Variants in CCR3 observed in about 807,000 individuals in gnomAD.
CCR3 encodes C-C motif chemokine receptor 3.
For missense variants in CCR3, 419 were observed against 437.5 expected (o/e 0.96, Z 0.38); for synonymous variants, 203 against 179.2 (o/e 1.13, Z -1.06).
chr3:46,237,641 A>C (rs1383527348), upstream of CCR3, among the ~76,000 whole-genome samples: 1 of 152,190 alleles, frequency 6.6e-6, no homozygotes, highest in Non-Finnish European at 1.5e-5. Context: ...TTCATTCTGC[A>C]TGTGGCTATT....
intron 2 of CCR3, among the ~76,000 whole-genome samples, chr3:46,236,162 G>A (rs1018708563): frequency 6.6e-6 from 1 of 152,146 alleles, no homozygotes. Context: ...TGGTACCAAC[G>A]GGAACTGCCT....
intron 2 of CCR3, among the ~76,000 whole-genome samples, chr3:46,219,336 GAC>G (rs1395832085): frequency 6.6e-6 from 1 of 152,090 alleles, no homozygotes; most frequent in Non-Finnish European, 1.5e-5. Context: ...AATCATAGAT[GAC>G]ACAAACAAAT....
intron 1 of CCR3, chr3:46,264,437 C>T (rs1365908149): frequency 1.3e-6 from 2 of 1,527,386 alleles, no homozygotes; most frequent in South Asian, 1.2e-5. Flanking sequence ...GTTAAGAGCA[C>T]ACAAGCCAGG....
At position 46,214,987 on chromosome 3, in the gene CCR3, G is replaced by T. The variant is rs545374988; in HGVS notation, c.-68+4080G>T. On this transcript the variant is annotated intron_variant, in intron 2 of 3. Transcript: ENST00000357422. ...ATGGCCATTGTACCTGAAGAGGCTG[G>T]TGCCAAGAGCTGCCAACTAGAACCT... 7.2e-5 allele frequency among the ~76,000 whole-genome samples: 11 copies of T among 152,264 alleles called. No individual in the cohort carries two copies. The South Asian group carries it at 2.3e-3, about 32-fold the overall frequency.
At position 46,266,400 on chromosome 3, in the gene CCR3, C is replaced by G. The variant is rs1700635652; in HGVS notation, c.*174C>G. The G allele has an allele frequency of 1.0e-5, 6 of 574,576 alleles. No homozygotes were observed. Among genetic ancestry groups the G allele is most frequent in the Non-Finnish European group, 1.9e-5 (6 of 317,822 alleles). The allele number at this position is 574,576 out of a possible 1,614,324, so 35.6% of individuals were successfully genotyped here. A position where few individuals can be genotyped will look rare whatever the true frequency, so the allele number is the denominator to read the frequency against. On this transcript the variant is annotated 3_prime_UTR_variant, in exon 2 of 2. Coordinates refer to ENST00000395940, the MANE Select transcript of CCR3 (RefSeq NM_178329.3). ...GCAGTAGATGCATGTACCCTAAGGT[C>G]ATTACCACAGGCCAGGGGCTGGGCA... is the stretch of plus-strand genomic sequence containing the variant.
At chr3:46,251,922 C>A (rs1181043513) in intron 1 of CCR3, among the ~76,000 whole-genome samples, 2 of 152,018 alleles carry the variant, frequency 1.3e-5, no homozygotes, top group Admixed American at 1.3e-4. Context: ...ATTTACACTT[C>A]TTTTGTGGTG....
chr3:46,211,704 T>C lies in CCR3; in HGVS notation c.-68+797T>C, dbSNP rs965260106. Among the ~76,000 whole-genome samples the C allele has an allele frequency of 2.6e-5, 4 of 152,286 alleles. No individual in the cohort carries two copies. In the East Asian group the frequency reaches 7.7e-4, roughly 29 times the overall value. ...CCCAAAAGGAACAACAGTATCAGAT[T>C]CTCATGTCACTTTGAACATAGAACA... On this transcript the variant is annotated intron_variant, in intron 2 of 3. Coordinates refer to the CCR3 transcript ENST00000357422.
rs561062190 is a variant in CCR3 at position 46,265,896 on chromosome 3, GGT to G, written c.741_742del (p.Phe249HisfsTer23). 27 of 1,614,078 alleles carry G rather than the reference GGT, an allele frequency of 1.7e-5. No individual in the cohort carries two copies. The highest frequency in any genetic ancestry group is 2.3e-5 in the Non-Finnish European group (27 of 1,179,990). ...AIRLIFVIMAVFFIFWTPYNV... is the reference protein window; with the variant it reads ...AIRLIFVIMAXFFIFWTPYNV... ...TCCGGCTCATTTTTGTCATCATGGC[GGT>G]GTTTTTCATTTTCTGGACACCCTAC... On this transcript the variant is annotated frameshift_variant, in exon 2 of 2. Transcript: ENST00000395940. LOFTEE classifies it low-confidence loss of function (END_TRUNC).
At chr3:46,234,319 T>C (rs1262635069) in intron 2 of CCR3, among the ~76,000 whole-genome samples, 1 of 152,140 alleles carries the variant, frequency 6.6e-6, no homozygotes, top group Non-Finnish European at 1.5e-5. Flanking sequence ...TGGGATGGAT[T>C]CATTGGTTTA....
chr3:46,225,193 T>C (rs570745107), intron 2 of CCR3, among the ~76,000 whole-genome samples: 27 of 152,268 alleles, frequency 1.8e-4, no homozygotes, highest in South Asian at 1.5e-3. Flanking sequence ...AGAAATAAAA[T>C]AGACATGACC....
chr3:46,252,169 C>CTTTTTTTTTTT (rs58623050), intron 1 of CCR3, among the ~76,000 whole-genome samples: 5 of 86,848 alleles, frequency 5.8e-5, no homozygotes, highest in Admixed American at 1.6e-4. Context: ...TAGTTTCTGT[C>CTTTTTTTTTTT]TTTTTTTTTT....
intron 2 of CCR3, among the ~76,000 whole-genome samples, chr3:46,233,275 G>A (rs13096905): frequency 0.056 from 8,554 of 152,280 alleles, 359 homozygotes; most frequent in South Asian, 0.19. Context: ...AAAAGTGACA[G>A]TAAACACAAG....
rs1207900923 is a variant in CCR3 at position 46,265,518 on chromosome 3, G to C, written c.360G>C (p.Glu120Asp). 1 of 1,614,154 alleles carries C rather than the reference G, an allele frequency of 6.2e-7. No individual in the cohort carries two copies. ...SGFYHTGLYS[E>D]IFFIILLTID... ...TTTATCACACAGGCTTGTACAGCGA[G>C]ATCTTTTTCATAATCCTGCTGACAA... Residue 120 changes from glutamate (E) to aspartate (D), a missense_variant, in exon 2 of 2, where the codon GAG (glutamate) becomes GAC (aspartate). By Grantham distance (45) the Glu-to-Asp change is conservative (BLOSUM62 2). Coordinates refer to ENST00000395940, the MANE Select transcript of CCR3 (RefSeq NM_178329.3).
At chr3:46,215,858 C>T (rs1317745301) in intron 2 of CCR3, among the ~76,000 whole-genome samples, 1 of 152,132 alleles carries the variant, frequency 6.6e-6, no homozygotes, top group African/African-American at 2.4e-5. Context: ...TTTGGTTGGT[C>T]ATGGGTTGTA....
At chr3:46,214,264 C>T (rs922607804) in intron 2 of CCR3, among the ~76,000 whole-genome samples, 1 of 152,106 alleles carries the variant, frequency 6.6e-6, no homozygotes, top group Non-Finnish European at 1.5e-5. Context: ...CAAGCCCCCA[C>T]CTCTCACCTC....
chr3:46,252,202 G>T (rs1460265216), intron 1 of CCR3, among the ~76,000 whole-genome samples: 2 of 138,138 alleles, frequency 1.4e-5, no homozygotes, highest in Non-Finnish European at 3.1e-5. Context: ...TTGAGACAGG[G>T]TCTTACTCTG....
chr3:46,257,986 C>T (rs1348694494), intron 1 of CCR3, among the ~76,000 whole-genome samples: 4 of 152,190 alleles, frequency 2.6e-5, no homozygotes, highest in African/African-American at 7.2e-5. Flanking sequence ...AAAGTCTGTT[C>T]CAGCTCTCAA....
At chr3:46,223,023 C>T (rs1379412169) in intron 2 of CCR3, among the ~76,000 whole-genome samples, 1 of 152,176 alleles carries the variant, frequency 6.6e-6, no homozygotes, top group Non-Finnish European at 1.5e-5. Context: ...CAGGTCCAGC[C>T]CAAGTTAACA....
At chr3:46,252,169 CTTTTTT>C (rs58623050) in intron 1 of CCR3, among the ~76,000 whole-genome samples, 1 of 86,846 alleles carries the variant, frequency 1.2e-5, no homozygotes, top group African/African-American at 4.3e-5. Flanking sequence ...TAGTTTCTGT[CTTTTTT>C]TTTTTTTTTT....
Sources: gnomAD v4.1 joint callset for allele counts (sites outside exome capture counted in the v4.1 genomes callset) on GRCh38, gnomAD v4.1.1 for gene constraint, MANE v1.5 for transcripts, NCBI Gene and HGNC (gene_info 2026-07-23, HGNC 2026-07-21) for gene names.